PDLIM5: variants seen among roughly 807,000 people sequenced by gnomAD.
PDLIM5 encodes PDZ and LIM domain 5, also known as PDZ and LIM domain protein 5.
A neutral mutation model predicts 64.2 loss-of-function variants in PDLIM5; 34 were observed. The observed-to-expected ratio is 0.53, with a 90% confidence interval of 0.40 to 0.71. PDLIM5 has a LOEUF of 0.71. Among genes scored for constraint, PDLIM5 ranks in the 30% least tolerant of loss-of-function variants. PDLIM5 has a pLI of 0.00. For synonymous variants in PDLIM5, 253 were observed against 269.1 expected, an observed-to-expected ratio of 0.94 and a Z score of 0.59; for missense variants, 683 against 733.6, an observed-to-expected ratio of 0.93 and a Z score of 0.80.
Position 94,665,494 on chromosome 4 carries a change from AAAAAAAAAAAAAG to A in PDLIM5, c.*1429_*1441del. On this transcript the variant is annotated 3_prime_UTR_variant, in exon 13 of 13. Coordinates refer to ENST00000317968, the MANE Select transcript of PDLIM5 (RefSeq NM_006457.5). ...GACTCCGGCTCTTAAAAAAAAAAAA[AAAAAAAAAAAAAG>A]AGAGAGAGAGAATAAATAGAAAAGA... 2.6e-6 allele frequency: 2 copies of A among 767,810 alleles called. No homozygotes were observed. Among genetic ancestry groups the A allele is most frequent in the Non-Finnish European group, 3.1e-6 (2 of 647,254 alleles). The allele number at this position is 767,810 out of a possible 1,614,324, so 47.6% of individuals were successfully genotyped here.
At chr4:94,576,063 A>G (rs1371066084) in intron 5 of PDLIM5, 29 bp downstream of exon 5, 1 of 1,561,234 alleles carries the variant, frequency 6.4e-7, no homozygotes, top group Admixed American at 1.8e-5. Context: ...TTCTGCTCTT[A>G]CTAAAACTCT....
intron 3 of PDLIM5, among the ~76,000 whole-genome samples, chr4:94,556,353 C>T (rs1733319981): frequency 6.6e-6 from 1 of 152,092 alleles, no homozygotes; most frequent in Admixed American, 6.5e-5. Context: ...GTGAATAGTG[C>T]CGCAATAAAC....
At chr4:94,611,180 T>A in intron 7 of PDLIM5, 4 of 1,535,356 alleles carry the variant, frequency 2.6e-6, no homozygotes, top group Non-Finnish European at 3.5e-6. Context: ...CAACTGGCTC[T>A]ATCCATGTTA....
intron 7 of PDLIM5, among the ~76,000 whole-genome samples, chr4:94,606,603 A>G (rs896865655): frequency 6.6e-6 from 1 of 152,202 alleles, no homozygotes; most frequent in African/African-American, 2.4e-5. Flanking sequence ...GTAGCCCAAG[A>G]TCACCTAGAG....
chr4:94,485,849 C>CAAAAAAA (rs10637280), intron 2 of PDLIM5, among the ~76,000 whole-genome samples: 4 of 100,158 alleles, frequency 4.0e-5, no homozygotes, highest in African/African-American at 7.5e-5. Flanking sequence ...GACTCCGTCT[C>CAAAAAAA]AAAAAAAAAA....
chr4:94,631,108 G>A (rs1740116167), intron 8 of PDLIM5, among the ~76,000 whole-genome samples: 1 of 131,634 alleles, frequency 7.6e-6, no homozygotes, highest in Non-Finnish European at 1.6e-5. Flanking sequence ...TCACTGTGTT[G>A]CCCAGGCTGG....
intron 3 of PDLIM5, among the ~76,000 whole-genome samples, chr4:94,537,101 C>T (rs953220997): frequency 2.0e-5 from 3 of 152,200 alleles, no homozygotes; most frequent in Admixed American, 6.6e-5. Context: ...AATTGAAATG[C>T]GGATGAAAAA....
chr4:94,647,436 T>C (rs768199276), intron 9 of PDLIM5, among the ~76,000 whole-genome samples: 1 of 151,972 alleles, frequency 6.6e-6, no homozygotes, highest in Non-Finnish European at 1.5e-5. Flanking sequence ...AAAAGCTCAA[T>C]CCATTAAGAA....
chr4:94,467,314 GT>G (rs1173951811), intron 2 of PDLIM5, among the ~76,000 whole-genome samples: 457 of 138,016 alleles, frequency 3.3e-3, no homozygotes, highest in Admixed American at 6.7e-3. Flanking sequence ...ACTGAGGAAA[GT>G]TTTTTTTTTT....
intron 3 of PDLIM5, among the ~76,000 whole-genome samples, chr4:94,543,431 A>AT (rs1211508988): frequency 5.9e-5 from 9 of 152,250 alleles, no homozygotes; most frequent in Non-Finnish European, 8.8e-5. Flanking sequence ...ACATTTACCA[A>AT]TTTTTTGGGG....
chr4:94,617,993 T>G lies in PDLIM5; in HGVS notation c.921-11T>G, dbSNP rs1206540218. The G allele has an allele frequency of 6.7e-7, 1 of 1,482,724 alleles. No homozygotes were observed. The highest frequency in any genetic ancestry group is 2.3e-5 in the Admixed American group (1 of 43,122). The allele number at this position is 1,482,724 out of a possible 1,614,324, so 91.8% of individuals were successfully genotyped here. On this transcript the variant is annotated splice_polypyrimidine_tract_variant and intron_variant, in intron 7 of 12. Transcript: ENST00000317968. Reference sequence around the variant, plus strand: ...CACTTCACCAAAGATGTTTCTTTATTTCCTTTACAGTAACTCTCAGGAGCC... The same window carrying G: ...CACTTCACCAAAGATGTTTCTTTATGTCCTTTACAGTAACTCTCAGGAGCC...
chr4:94,464,682 C>T (rs1376502959), intron 2 of PDLIM5, among the ~76,000 whole-genome samples: 1 of 152,142 alleles, frequency 6.6e-6, no homozygotes, highest in African/African-American at 2.4e-5. Flanking sequence ...TTTGGTCATT[C>T]CTTTGAAGTA....
intron 5 of PDLIM5, among the ~76,000 whole-genome samples, chr4:94,577,781 T>G (rs1156282722): frequency 6.6e-6 from 1 of 152,084 alleles, no homozygotes; most frequent in Non-Finnish European, 1.5e-5. Context: ...AACTAAAATC[T>G]TTTCTACTAG....
chr4:94,455,406 T>A (rs781622128), intron 2 of PDLIM5, 22 bp downstream of exon 2: 1 of 1,442,718 alleles, frequency 6.9e-7, no homozygotes, highest in Non-Finnish European at 9.8e-7. Context: ...TTACAAATTT[T>A]ATTATAGATG....
At chr4:94,653,308 G>C (rs1402481673) in intron 9 of PDLIM5, among the ~76,000 whole-genome samples, 1 of 152,094 alleles carries the variant, frequency 6.6e-6, no homozygotes, top group South Asian at 2.1e-4. Flanking sequence ...CATAATAACT[G>C]TCCTGGTCTG....
chr4:94,571,168 A>G (rs1316536515), intron 3 of PDLIM5, among the ~76,000 whole-genome samples: 1 of 152,190 alleles, frequency 6.6e-6, no homozygotes, highest in African/African-American at 2.4e-5. Context: ...TATTTGTGGC[A>G]TAATTTTTCC....
chr4:94,483,560 A>G (rs147427769), intron 2 of PDLIM5, among the ~76,000 whole-genome samples: 1 of 152,198 alleles, frequency 6.6e-6, no homozygotes, highest in Non-Finnish European at 1.5e-5. Context: ...TAATCTATAA[A>G]TTTCTCTTCT....
intron 3 of PDLIM5, among the ~76,000 whole-genome samples, chr4:94,551,834 G>A (rs1163554479): frequency 6.6e-6 from 1 of 152,150 alleles, no homozygotes; most frequent in Non-Finnish European, 1.5e-5. Context: ...TAGTTTTCCT[G>A]TGTAGTTGAG....
chr4:94,575,857 G>T lies in PDLIM5; in HGVS notation c.533G>T (p.Gly178Val). 3 of 1,614,108 alleles carry T rather than the reference G, an allele frequency of 1.9e-6. No homozygotes were observed. The highest frequency in any genetic ancestry group is 2.5e-6 in the Non-Finnish European group (3 of 1,180,020). ...AVTPPLFAAS[G>V]LHANANLSAD... is the part of the protein sequence containing the mutation. ...ACTCCTCCCCTGTTCGCTGCATCTG[G>T]ACTGCATGCTAATGCCAATCTTAGT... Residue 178 changes from glycine (G) to valine (V), a missense_variant, in exon 5 of 13, where the codon GGA becomes GTA. Gly to Val is a moderately radical substitution (Grantham distance 109). Transcript: ENST00000317968.
Sources: gnomAD v4.1 joint callset for allele counts (sites outside exome capture counted in the v4.1 genomes callset) on GRCh38, gnomAD v4.1.1 for gene constraint, MANE v1.5 for transcripts, NCBI Gene and HGNC (gene_info 2026-07-23, HGNC 2026-07-21) for gene names.